TENM2: variants seen among roughly 807,000 people sequenced by gnomAD.
TENM2 encodes teneurin transmembrane protein 2.
Under a neutral mutation model 245.2 loss-of-function variants are expected in TENM2, and 52 were observed. The ratio of observed to expected loss-of-function variants is 0.21; its 90% confidence interval spans 0.17 to 0.27. TENM2 has a LOEUF of 0.27. Ranked by LOEUF, TENM2 falls within the 10% of genes least tolerant of loss-of-function variation. The pLI is 1.00. For missense variants in TENM2, 3,046 were observed against 3,666.8 expected, an observed-to-expected ratio of 0.83 and a Z score of 4.37; for synonymous variants, 1,363 against 1,438.9, an observed-to-expected ratio of 0.95 and a Z score of 1.19.
rs75242962 is a variant in TENM2 at position 167,769,938 on chromosome 5, T to G, written c.503-106048T>G. ...TTTTTTCCCCAGTAAAGACAGAGTT[T>G]GTTGTTCACTAAATTCACAATTGTA... On this transcript the variant is annotated intron_variant, in intron 2 of 28. Transcript: ENST00000518659. Among the ~76,000 whole-genome samples the G allele has an allele frequency of 6.5e-3, 989 of 152,298 alleles. 12 individuals carry two copies. The highest frequency in any genetic ancestry group is 0.022 in the African/African-American group (934 of 41,552).
At chr5:167,532,575 C>A (rs960604179) in intron 2 of TENM2, among the ~76,000 whole-genome samples, 2 of 151,924 alleles carry the variant, frequency 1.3e-5, no homozygotes, top group Admixed American at 1.3e-4. Context: ...ACAAGAACAT[C>A]AGGGGAAAGA....
chr5:167,258,198 C>CATATATATATATATATATGTAT, the TENM2 span, among the ~76,000 whole-genome samples: 3 of 141,874 alleles, frequency 2.1e-5, no homozygotes, highest in East Asian at 6.1e-4. Flanking sequence ...AATGTGTTGC[C>CATATATATATATATATATGTAT]ATATATATAT....
chr5:167,060,663 A>C, the TENM2 span, among the ~76,000 whole-genome samples: 1 of 151,898 alleles, frequency 6.6e-6, no homozygotes. Context: ...AAAAAAAAAA[A>C]AAAAAGAAAT....
At chr5:167,152,636 T>C in the TENM2 span, among the ~76,000 whole-genome samples, 1 of 152,180 alleles carries the variant, frequency 6.6e-6, no homozygotes, top group Non-Finnish European at 1.5e-5. Flanking sequence ...GACTCCCAGT[T>C]GATACTTGAA....
intron 19 of TENM2, among the ~76,000 whole-genome samples, chr5:168,209,204 T>G (rs149920801): frequency 0.013 from 1,994 of 152,348 alleles, 15 homozygotes; most frequent in Middle Eastern, 0.024. Context: ...ATTAGAGTTA[T>G]AAAATTGGGG....
intron 2 of TENM2, among the ~76,000 whole-genome samples, chr5:167,752,835 A>G (rs1762050160): frequency 6.6e-6 from 1 of 152,220 alleles, no homozygotes; most frequent in Non-Finnish European, 1.5e-5. Flanking sequence ...GAGAGCTGTG[A>G]ACTGATTTTA....
the TENM2 span, among the ~76,000 whole-genome samples, chr5:167,056,827 C>T: frequency 6.7e-6 from 1 of 150,316 alleles, no homozygotes; most frequent in Non-Finnish European, 1.5e-5. Flanking sequence ...TTCATTTATC[C>T]TGGTTGGTGT....
chr5:167,861,060 A>T (rs1273723381), intron 2 of TENM2, among the ~76,000 whole-genome samples: 6 of 151,352 alleles, frequency 4.0e-5, no homozygotes, highest in Non-Finnish European at 7.4e-5. Flanking sequence ...ATTAAAAAAA[A>T]AAAAAAAAGA....
chr5:168,165,647 AACCCCCCCCCCCCCCCCG>A (rs1758189700), intron 13 of TENM2, among the ~76,000 whole-genome samples: 1 of 15,874 alleles, frequency 6.3e-5, no homozygotes, highest in African/African-American at 2.1e-4. Flanking sequence ...TCCCCCCCCC[AACCCCCCCCCCCCCCCCG>A]GCTGGCAGAG....
chr5:167,581,695 T>C (rs1471423192), intron 2 of TENM2, among the ~76,000 whole-genome samples: 1 of 152,154 alleles, frequency 6.6e-6, no homozygotes, highest in Non-Finnish European at 1.5e-5. Context: ...AGGGGTGAAT[T>C]CCTAATAAGA....
At chr5:167,119,113 G>A in the TENM2 span, among the ~76,000 whole-genome samples, 1 of 152,132 alleles carries the variant, frequency 6.6e-6, no homozygotes, top group African/African-American at 2.4e-5. Context: ...TTCTGCCTCA[G>A]TTTCCTCATC....
chr5:168,107,559 G>C lies in TENM2; in HGVS notation c.1813+9432G>C, dbSNP rs543110781. On this transcript the variant is annotated intron_variant, in intron 9 of 28. Coordinates refer to ENST00000518659, the Ensembl canonical transcript of TENM2. ...ACCCCTTTTTAGCAAGCCTCCTGGG[G>C]GGGGGGTCTGATGCAGGTGGTCAGG... Among the ~76,000 whole-genome samples the C allele has an allele frequency of 7.9e-3, 1,199 of 152,208 alleles. 12 individuals are homozygous for C. Among genetic ancestry groups the C allele is most frequent in the African/African-American group, 0.027 (1,130 of 41,510 alleles).
chr5:167,429,607 CTTTTTT>C (rs10587909), intron 2 of TENM2, among the ~76,000 whole-genome samples: 27 of 78,728 alleles, frequency 3.4e-4, no homozygotes, highest in East Asian at 2.1e-3. Context: ...CTCTCTCTCT[CTTTTTT>C]TTTTTTTTTT....
the TENM2 span, among the ~76,000 whole-genome samples, chr5:167,044,931 T>C: frequency 0.63 from 95,593 of 152,056 alleles, 32,125 homozygotes; most frequent in African/African-American, 0.88. Flanking sequence ...GAAGAGATGG[T>C]GTCCAGAGAA....
At chr5:167,948,797 A>G (rs1474048904) in intron 3 of TENM2, 1 of 152,222 alleles carries the variant, frequency 6.6e-6, no homozygotes, top group Non-Finnish European at 1.5e-5. Context: ...ATTAAACCCA[A>G]TAAATGTATG....
intron 2 of TENM2, among the ~76,000 whole-genome samples, chr5:167,419,125 G>C (rs1763337836): frequency 2.8e-5 from 2 of 72,132 alleles, no homozygotes; most frequent in South Asian, 8.2e-4. Context: ...ACTTAGATGT[G>C]TATGTAGATA....
intron 1 of TENM2, among the ~76,000 whole-genome samples, chr5:167,355,139 C>G (rs753284388): frequency 3.3e-5 from 5 of 152,188 alleles, no homozygotes; most frequent in Non-Finnish European, 7.3e-5. Context: ...TCTTAGCACA[C>G]CTTTCTGTCT....
At chr5:168,158,300 AC>A (rs908318601) in intron 12 of TENM2, among the ~76,000 whole-genome samples, 7 of 152,142 alleles carry the variant, frequency 4.6e-5, no homozygotes, top group African/African-American at 1.7e-4. Flanking sequence ...TGGGAAGAGG[AC>A]TTTTGATCTC....
In TENM2 at chr5:167,776,432, A is replaced by C. The variant is rs531076246; in HGVS notation, c.503-99554A>C. On this transcript the variant is annotated intron_variant, in intron 2 of 28. Coordinates refer to ENST00000518659, the Ensembl canonical transcript of TENM2. ...GGCAGCAAGGCGAGACCCCATCTCTACAAAAATACAAAAATTAGCTGAGCG... is the reference window on the plus strand; with the variant it reads ...GGCAGCAAGGCGAGACCCCATCTCTCCAAAAATACAAAAATTAGCTGAGCG... Among the ~76,000 whole-genome samples the C allele has an allele frequency of 6.6e-5, 10 of 151,486 alleles. No homozygotes were observed. In the East Asian group the frequency reaches 1.9e-3, roughly 29 times the overall value.
Sources: allele counts gnomAD v4.1 joint callset (sites outside exome capture counted in the v4.1 genomes callset), GRCh38; gene constraint gnomAD v4.1.1; transcripts MANE v1.5; gene names NCBI Gene and HGNC (gene_info 2026-07-23, HGNC 2026-07-21).